MAP2: variants seen among roughly 807,000 people sequenced by gnomAD.
MAP2 encodes the protein microtubule associated protein 2.
MAP2 carries 14 observed loss-of-function variants against 137.6 expected under a neutral mutation model. The observed-to-expected ratio is 0.10, with a 90% CI of 0.07 to 0.16. MAP2 has a LOEUF of 0.16. Among genes scored for constraint, MAP2 ranks in the 10% least tolerant of loss-of-function variants. The probability of loss-of-function intolerance (pLI) is 1.00; values close to 1 mark genes in which losing one functional copy is unlikely to be tolerated. For synonymous variants in MAP2, 786 were observed against 782.3 expected, an observed-to-expected ratio of 1.00 and a Z score of -0.08; for missense variants, 2,088 against 2,191.5, an observed-to-expected ratio of 0.95 and a Z score of 0.94.
intron 2 of MAP2, among the ~76,000 whole-genome samples, chr2:209,541,705 T>G (rs191097298): frequency 1.8e-4 from 28 of 152,370 alleles, no homozygotes; most frequent in Admixed American, 7.2e-4. Context: ...ACCACTCTTT[T>G]GCTCATTCAT....
intron 1 of MAP2, among the ~76,000 whole-genome samples, chr2:209,501,898 C>T (rs146212598): frequency 1.2e-3 from 188 of 152,218 alleles, no homozygotes; most frequent in African/African-American, 4.3e-3. Flanking sequence ...AAACAGAAGC[C>T]ACAGGACAGC....
intron 2 of MAP2, among the ~76,000 whole-genome samples, chr2:209,576,273 T>G (rs1258589794): frequency 2.0e-5 from 3 of 152,164 alleles, no homozygotes; most frequent in Non-Finnish European, 4.4e-5. Flanking sequence ...AGACGAAGTC[T>G]TGCTCTGTCG....
chr2:209,642,081 C>A (rs1354989228), intron 4 of MAP2, among the ~76,000 whole-genome samples: 1 of 152,152 alleles, frequency 6.6e-6, no homozygotes, highest in Non-Finnish European at 1.5e-5. Flanking sequence ...ATAATTGTAT[C>A]TATTCTTGGT....
Position 209,690,645 on chromosome 2 carries a change from C to G in MAP2, c.455-1980C>G, listed in dbSNP as rs558562826. The G allele has an allele frequency of 5.4e-6, 7 of 1,289,274 alleles. No homozygotes were observed. In the East Asian group the frequency reaches 3.9e-4, roughly 72 times the overall value. The allele number at this position is 1,289,274 out of a possible 1,614,324, so 79.9% of individuals were successfully genotyped here. ...AGTCGGATGGCTGAGGAAGAGAAACCTGCTGCTCTTCCTGAGAAAGAGTGT... is the reference window on the plus strand; with the variant it reads ...AGTCGGATGGCTGAGGAAGAGAAACGTGCTGCTCTTCCTGAGAAAGAGTGT... On this transcript the variant is annotated intron_variant, in intron 7 of 15. Transcript: ENST00000682079.
At chr2:209,464,091 C>G (rs1464160675) in intron 1 of MAP2, among the ~76,000 whole-genome samples, 1 of 152,070 alleles carries the variant, frequency 6.6e-6, no homozygotes, top group African/African-American at 2.4e-5. Context: ...TATTATTTTT[C>G]TTCATGAACA....
intron 11 of MAP2, among the ~76,000 whole-genome samples, chr2:209,703,347 A>T (rs975900802): frequency 2.6e-5 from 4 of 152,068 alleles, no homozygotes; most frequent in Non-Finnish European, 5.9e-5. Flanking sequence ...CTTCAAATAT[A>T]CCTTGTTCCA....
chr2:209,583,061 A>C (rs2153408084), intron 3 of MAP2, among the ~76,000 whole-genome samples: 1 of 152,178 alleles, frequency 6.6e-6, no homozygotes, highest in East Asian at 1.9e-4. Context: ...CAATAAGGTT[A>C]AAACAGTATG....
rs565672185 is a variant in MAP2, at chr2:209,424,082, G to GGCAGCAGCA, written c.-400_-392dup. On this transcript the variant is annotated 5_prime_UTR_variant, in exon 1 of 16. Coordinates refer to ENST00000682079, the MANE Select transcript of MAP2 (RefSeq NM_001375505.1). ...GGGCGCTCGGGCTGCGCGGGCTCTG[G>GGCAGCAGCA]GCAGCAGCAGCAGCAGCAGCAGCAT... 7.5e-5 allele frequency: 12 copies of GGCAGCAGCA among 160,592 alleles called. No individual in the cohort carries two copies. The highest frequency in any genetic ancestry group is 3.7e-4 in the East Asian group (2 of 5,462). The allele number at this position is 160,592 out of a possible 1,614,324, so 9.9% of individuals were successfully genotyped here. A position where few individuals can be genotyped will look rare whatever the true frequency, so the allele number is the denominator to read the frequency against.
At chr2:209,539,934 G>GAAAA (rs397962922) in intron 2 of MAP2, among the ~76,000 whole-genome samples, 4 of 82,150 alleles carry the variant, frequency 4.9e-5, no homozygotes, top group African/African-American at 1.3e-4. Flanking sequence ...CCCATCTCAC[G>GAAAA]AAAAAAAAAA....
At chr2:209,561,452 A>T (rs914236411) in intron 2 of MAP2, among the ~76,000 whole-genome samples, 10 of 152,200 alleles carry the variant, frequency 6.6e-5, no homozygotes, top group African/African-American at 1.9e-4. Flanking sequence ...TGATTCATGA[A>T]GGTTCTTCAG....
At chr2:209,499,772 G>T (rs1294769879) in intron 1 of MAP2, among the ~76,000 whole-genome samples, 1 of 152,046 alleles carries the variant, frequency 6.6e-6, no homozygotes, top group Non-Finnish European at 1.5e-5. Flanking sequence ...AGAGACAGGG[G>T]GTGGGGAGGA....
intron 1 of MAP2, among the ~76,000 whole-genome samples, chr2:209,429,464 T>C (rs565100527): frequency 6.6e-6 from 1 of 152,280 alleles, no homozygotes; most frequent in Non-Finnish European, 1.5e-5. Context: ...GTTCCACTAA[T>C]GTGTACCTAT....
intron 11 of MAP2, 94 bp downstream of exon 11, chr2:209,700,432 A>C: frequency 9.6e-7 from 1 of 1,041,740 alleles, no homozygotes; most frequent in East Asian, 2.4e-5. Flanking sequence ...TTAGATATTT[A>C]CTCTTAAAAG....
At chr2:209,690,995 G>C (rs750043108) in intron 7 of MAP2, 23 of 793,992 alleles carry the variant, frequency 2.9e-5, no homozygotes, top group African/African-American at 5.5e-5. Flanking sequence ...AATGTGCAGA[G>C]AGTGTGGCTT....
intron 1 of MAP2, among the ~76,000 whole-genome samples, chr2:209,483,854 T>A (rs894857555): frequency 1.3e-5 from 2 of 152,104 alleles, no homozygotes; most frequent in African/African-American, 4.8e-5. Context: ...GAAGATTAAA[T>A]GGGACACATG....
At chr2:209,607,706 A>G (rs2153477027) in intron 3 of MAP2, among the ~76,000 whole-genome samples, 1 of 152,310 alleles carries the variant, frequency 6.6e-6, no homozygotes, top group South Asian at 2.1e-4. Context: ...AAGTGCTGGG[A>G]TTACAGGCAT....
intron 5 of MAP2, among the ~76,000 whole-genome samples, chr2:209,663,249 A>G (rs1233325491): frequency 6.6e-6 from 1 of 152,126 alleles, no homozygotes; most frequent in East Asian, 1.9e-4. Context: ...TACATAAAGC[A>G]CGTGCTTTGA....
At chr2:209,554,204 T>G (rs2069926935) in intron 2 of MAP2, among the ~76,000 whole-genome samples, 1 of 152,176 alleles carries the variant, frequency 6.6e-6, no homozygotes, top group Admixed American at 6.5e-5. Flanking sequence ...ATTCAGTCTT[T>G]TGGGTATTCA....
chr2:209,464,832 T>C (rs1703736895), intron 1 of MAP2, among the ~76,000 whole-genome samples: 1 of 152,118 alleles, frequency 6.6e-6, no homozygotes, highest in Non-Finnish European at 1.5e-5. Context: ...ACTGAAATCA[T>C]CTTGTAACAT....
Sources: gnomAD v4.1 joint callset for allele counts (sites outside exome capture counted in the v4.1 genomes callset) on GRCh38, gnomAD v4.1.1 for gene constraint, MANE v1.5 for transcripts, NCBI Gene and HGNC (gene_info 2026-07-23, HGNC 2026-07-21) for gene names.